M1AP: variants seen among roughly 807,000 people sequenced by gnomAD.
M1AP encodes meiosis 1 associated protein.
A neutral mutation model predicts 51.2 loss-of-function variants in M1AP; 39 were observed. The observed-to-expected ratio is 0.76, with a 90% CI of 0.59 to 1.00. The LOEUF (loss-of-function observed/expected upper bound fraction) is 1.00, where lower values mean the gene tolerates loss of function less well. Ranked by LOEUF, M1AP falls within the 50% of genes least tolerant of loss-of-function variation. The pLI, the probability that M1AP is intolerant of heterozygous loss-of-function variation, is 0.00. For missense variants in M1AP, 545 were observed against 641.2 expected (o/e 0.85, Z 1.62); for synonymous variants, 251 against 249.2 (o/e 1.01, Z -0.07).
At chr2:74,638,421 T>A (rs1232851292) in intron 2 of M1AP, among the ~76,000 whole-genome samples, 1 of 152,216 alleles carries the variant, frequency 6.6e-6, no homozygotes, top group South Asian at 2.1e-4. Flanking sequence ...AGTTTTTTTT[T>A]ATTGTTTGAG....
chr2:74,584,597 G>C (rs1679595376), intron 4 of M1AP, among the ~76,000 whole-genome samples: 1 of 151,556 alleles, frequency 6.6e-6, no homozygotes, highest in Non-Finnish European at 1.5e-5. Flanking sequence ...GGTGGATGAT[G>C]AGACACTCCT....
intron 3 of M1AP, among the ~76,000 whole-genome samples, chr2:74,613,947 C>T (rs1272204661): frequency 1.3e-5 from 2 of 152,172 alleles, no homozygotes; most frequent in African/African-American, 4.8e-5. Flanking sequence ...CACCACCAAG[C>T]CTGGCTAATC....
chr2:74,558,854 G>A lies in M1AP; in HGVS notation c.1455C>T (p.Asn485=), dbSNP rs1677695560. 1 of 1,599,932 alleles carries A rather than the reference G, an allele frequency of 6.3e-7. No individual in the cohort carries two copies. Reference sequence around the variant, plus strand: ...GGGGGGCCACAGTAGCTCGAGCTCGGTTGGTCTGCAACTGCCCAGTCTGCA... The same window carrying A: ...GGGGGGCCACAGTAGCTCGAGCTCGATTGGTCTGCAACTGCCCAGTCTGCA... ...HPCKTGQLQT[N]RARATVAPLP... The change falls in exon 11 of 11, where the codon AAC becomes AAT. Residue 485 remains asparagine, a synonymous_variant. Transcript: ENST00000421985.
intron 2 of M1AP, among the ~76,000 whole-genome samples, chr2:74,625,944 C>T (rs71418739): frequency 6.6e-6 from 1 of 152,196 alleles, no homozygotes; most frequent in African/African-American, 2.4e-5. Flanking sequence ...TTCTGGGCAT[C>T]CTGCCTACAC....
chr2:74,585,559 C>T (rs529330427), intron 4 of M1AP, among the ~76,000 whole-genome samples: 1 of 152,348 alleles, frequency 6.6e-6, no homozygotes, highest in South Asian at 2.1e-4. Context: ...GATGTTCTGA[C>T]ATTCTTTTCT....
chr2:74,560,664 T>C (rs1677861415), intron 8 of M1AP, among the ~76,000 whole-genome samples: 1 of 152,126 alleles, frequency 6.6e-6, no homozygotes, highest in Non-Finnish European at 1.5e-5. Flanking sequence ...GCTCACAGCC[T>C]GCAAGGCGAG....
At chr2:74,636,238 C>A (rs1452811008) in intron 2 of M1AP, among the ~76,000 whole-genome samples, 1 of 151,910 alleles carries the variant, frequency 6.6e-6, no homozygotes, top group Non-Finnish European at 1.5e-5. Flanking sequence ...ATTCTTTGAT[C>A]CGAAATCTGT....
intron 2 of M1AP, among the ~76,000 whole-genome samples, chr2:74,630,935 A>G (rs1682670542): frequency 6.6e-6 from 1 of 152,234 alleles, no homozygotes; most frequent in African/African-American, 2.4e-5. Context: ...CCCTAGCATT[A>G]AAGTGCCATT....
At chr2:74,637,765 G>A (rs796771458) in intron 2 of M1AP, among the ~76,000 whole-genome samples, 1 of 152,298 alleles carries the variant, frequency 6.6e-6, no homozygotes, top group African/African-American at 2.4e-5. Context: ...CCAGTTGTGA[G>A]TATCAGGTAC....
intron 2 of M1AP, among the ~76,000 whole-genome samples, chr2:74,629,394 C>T (rs1016050190): frequency 3.9e-5 from 6 of 152,220 alleles, no homozygotes; most frequent in South Asian, 2.1e-4. Flanking sequence ...AGTGGAAAAC[C>T]GCACATCTGA....
intron 2 of M1AP, among the ~76,000 whole-genome samples, chr2:74,631,092 A>G (rs1181079771): frequency 1.3e-5 from 2 of 152,158 alleles, no homozygotes; most frequent in African/African-American, 2.4e-5. Flanking sequence ...ATTTTGTTGT[A>G]GCTGTGTCTC....
chr2:74,640,465 T>A lies in M1AP; in HGVS notation c.-52-138A>T, dbSNP rs1040949881. ...CTAAAGCTTGTCCAGGCCATCCTAT[T>A]TTTTTTTTTTTTTTGAGACAGAGTC... On this transcript the variant is annotated intron_variant, in intron 1 of 10. Coordinates refer to ENST00000421985, the MANE Select transcript of M1AP (RefSeq NM_001321739.2). 2.1e-5 allele frequency: 8 copies of A among 381,432 alleles called. No homozygotes were observed. In the South Asian group the frequency reaches 4.3e-4, roughly 21 times the overall value. The allele number at this position is 381,432 out of a possible 1,614,324, so 23.6% of individuals were successfully genotyped here.
intron 7 of M1AP, among the ~76,000 whole-genome samples, chr2:74,564,261 C>T (rs770367019): frequency 3.9e-5 from 6 of 152,172 alleles, no homozygotes; most frequent in Non-Finnish European, 8.8e-5. Context: ...GGAGGCTCTG[C>T]ACTTTAAAGC....
intron 9 of M1AP, 115 bp downstream of exon 9, chr2:74,560,036 G>T: frequency 1.7e-6 from 2 of 1,183,008 alleles, no homozygotes; most frequent in East Asian, 2.5e-5. Flanking sequence ...CTGGAGGAAG[G>T]CTACTCCCTT....
intron 4 of M1AP, among the ~76,000 whole-genome samples, chr2:74,606,508 A>G (rs1277505354): frequency 2.0e-5 from 3 of 152,178 alleles, no homozygotes; most frequent in Non-Finnish European, 4.4e-5. Flanking sequence ...ACACACATGA[A>G]CAAAGGTTTC....
intron 2 of M1AP, among the ~76,000 whole-genome samples, chr2:74,625,416 T>C (rs1389195085): frequency 6.6e-6 from 1 of 152,166 alleles, no homozygotes; most frequent in Non-Finnish European, 1.5e-5. Flanking sequence ...TCTGTTTTTA[T>C]ATATTATTAA....
intron 2 of M1AP, among the ~76,000 whole-genome samples, chr2:74,626,838 A>T (rs1682427158): frequency 6.6e-6 from 1 of 152,210 alleles, no homozygotes; most frequent in African/African-American, 2.4e-5. Flanking sequence ...TATATTTTTT[A>T]AAATGAACTT....
chr2:74,647,285 T>C (rs370296761), intron 1 of M1AP: 2 of 985,252 alleles, frequency 2.0e-6, no homozygotes, highest in African/African-American at 1.7e-5. Context: ...CTCTCACAGA[T>C]CGGCTTCTCG....
chr2:74,601,884 T>C (rs1430715293), intron 4 of M1AP, among the ~76,000 whole-genome samples: 1 of 152,198 alleles, frequency 6.6e-6, no homozygotes, highest in Non-Finnish European at 1.5e-5. Flanking sequence ...TTGTGATAAT[T>C]AGCTTTCACT....
Sources: gnomAD v4.1 joint callset for allele counts (sites outside exome capture counted in the v4.1 genomes callset) on GRCh38, gnomAD v4.1.1 for gene constraint, MANE v1.5 for transcripts, NCBI Gene and HGNC (gene_info 2026-07-23, HGNC 2026-07-21) for gene names.